FAM227A: variants seen among roughly 807,000 people sequenced by gnomAD.
FAM227A encodes the protein family with sequence similarity 227 member A, also known as protein FAM227A.
In FAM227A, 80 loss-of-function variants were observed where a neutral mutation model predicts 74.7. The ratio of observed to expected loss-of-function variants is 1.07; its 90% CI spans 0.89 to 1.29. The LOEUF (loss-of-function observed/expected upper bound fraction) is 1.29, where lower values mean the gene tolerates loss of function less well. FAM227A is among the 50% of genes most tolerant of loss of function. FAM227A has a pLI of 0.00. For missense variants in FAM227A, 654 were observed against 683.4 expected (o/e 0.96, Z 0.48); for synonymous variants, 237 against 241.8 (o/e 0.98, Z 0.19).
At chr22:38,645,428 T>A in intron 3 of FAM227A, 135 bp downstream of exon 3, 1 of 606,136 alleles carries the variant, frequency 1.6e-6, no homozygotes, top group Non-Finnish European at 2.9e-6. Context: ...TTTAAAAAAA[T>A]TAACTTTGAA....
chr22:38,639,408 CG>C (rs1569233176), intron 4 of FAM227A, among the ~76,000 whole-genome samples: 1 of 128,204 alleles, frequency 7.8e-6, no homozygotes, highest in African/African-American at 3.1e-5. Flanking sequence ...GACTCCGTCT[CG>C]AAAAAAAAAA....
At chr22:38,636,229 C>T (rs1271408391) in intron 6 of FAM227A, among the ~76,000 whole-genome samples, 1 of 152,168 alleles carries the variant, frequency 6.6e-6, no homozygotes, top group African/African-American at 2.4e-5. Flanking sequence ...AAAAATTGCA[C>T]ACCAGTAGGA....
chr22:38,645,471 T>C, intron 3 of FAM227A, 92 bp downstream of exon 3: 1 of 724,346 alleles, frequency 1.4e-6, no homozygotes. Context: ...TTCAAATAAA[T>C]GGAGAGGCCC....
At chr22:38,655,509 CTG>C (rs2092380667) in intron 1 of FAM227A, among the ~76,000 whole-genome samples, 1 of 150,694 alleles carries the variant, frequency 6.6e-6, no homozygotes, top group African/African-American at 2.4e-5. Flanking sequence ...GAGTGAGACT[CTG>C]TCTTAAAAAA....
At chr22:38,588,987 ATG>A (rs1463104258) in intron 16 of FAM227A, among the ~76,000 whole-genome samples, 1 of 152,024 alleles carries the variant, frequency 6.6e-6, no homozygotes, top group East Asian at 1.9e-4. Flanking sequence ...TTTGGGGAAT[ATG>A]TTCCCCAAAA....
intron 3 of FAM227A, among the ~76,000 whole-genome samples, chr22:38,645,261 C>G (rs752336497): frequency 2.0e-5 from 3 of 151,340 alleles, no homozygotes; most frequent in East Asian, 3.9e-4. Flanking sequence ...CATGGTGGCA[C>G]GCACCTGTAG....
intron 13 of FAM227A, among the ~76,000 whole-genome samples, chr22:38,601,159 A>C (rs922043757): frequency 6.6e-6 from 1 of 152,088 alleles, no homozygotes; most frequent in Non-Finnish European, 1.5e-5. Flanking sequence ...AAAACAATGA[A>C]AAAAATCAAC....
At chr22:38,599,666 T>G in intron 14 of FAM227A, 98 bp downstream of exon 14, 1 of 1,169,834 alleles carries the variant, frequency 8.5e-7, no homozygotes, top group South Asian at 1.8e-5. Flanking sequence ...TGCCAGGCGC[T>G]GTGCTAAGGC....
At chr22:38,609,148 G>A (rs961117481) in intron 11 of FAM227A, among the ~76,000 whole-genome samples, 2 of 152,114 alleles carry the variant, frequency 1.3e-5, no homozygotes, top group African/African-American at 2.4e-5. Context: ...CATCATATTC[G>A]CATTACAGGC....
At chr22:38,646,599 A>G (rs1465158835) in intron 2 of FAM227A, among the ~76,000 whole-genome samples, 1 of 151,382 alleles carries the variant, frequency 6.6e-6, no homozygotes. Flanking sequence ...CTGTATTTAC[A>G]ATCTGAGTGT....
At position 38,597,254 on chromosome 22, in the gene FAM227A, T is replaced by C. The variant is rs1037539202; in HGVS notation, c.1482A>G (p.Glu494=). ...TTAGATGCTTGTCAAAATAATTCCA[T>C]TCAGTCCAATGATGCTGGTACAACT... is the stretch of plus-strand genomic sequence containing the variant. ...LNQLYQHHWT[E]WNYFDKHLKE... is the part of the protein sequence containing the mutation. The change falls in exon 15 of 17, where the codon GAA becomes GAG. Residue 494 remains glutamate, a synonymous_variant. Transcript: ENST00000535113. 1.2e-5 allele frequency: 18 copies of C among 1,552,130 alleles called. No homozygotes were observed. Among genetic ancestry groups the C allele is most frequent in the Non-Finnish European group, 1.4e-5 (16 of 1,147,100 alleles).
chr22:38,588,869 A>G (rs1345705961), intron 16 of FAM227A, among the ~76,000 whole-genome samples: 2 of 149,902 alleles, frequency 1.3e-5, no homozygotes, highest in Admixed American at 1.3e-4. Context: ...CGGAGGTTGC[A>G]GTGAGCCAAG....
At chr22:38,617,118 G>A (rs1242115872) in intron 11 of FAM227A, among the ~76,000 whole-genome samples, 1 of 152,068 alleles carries the variant, frequency 6.6e-6, no homozygotes, top group African/African-American at 2.4e-5. Context: ...ACAGTGGTGC[G>A]GCCAGGCAGC....
At chr22:38,615,842 G>T (rs2091564313) in intron 11 of FAM227A, among the ~76,000 whole-genome samples, 1 of 152,208 alleles carries the variant, frequency 6.6e-6, no homozygotes, top group Non-Finnish European at 1.5e-5. Flanking sequence ...AGGAGCCCAG[G>T]TGGCAGCTGC....
chr22:38,623,333 T>A, intron 9 of FAM227A, 54 bp from the exon 10 acceptor site: 1 of 1,260,084 alleles, frequency 7.9e-7, no homozygotes, highest in Non-Finnish European at 1.1e-6. Flanking sequence ...ATCACGCCTG[T>A]AATCCCAGAA....
Position 38,637,969 on chromosome 22 carries a change from C to T in FAM227A, c.372+777G>A, listed in dbSNP as rs146176895. Among the ~76,000 whole-genome samples, 1,302 of 152,194 alleles carry T rather than the reference C, an allele frequency of 8.6e-3. 17 individuals are homozygous for T. Among genetic ancestry groups the T allele is most frequent in the African/African-American group, 0.029 (1,213 of 41,508 alleles). On this transcript the variant is annotated intron_variant, in intron 5 of 16. Coordinates refer to ENST00000535113, the MANE Select transcript of FAM227A (RefSeq NM_001013647.2). ...ATCACTTGAGGTCAAGAGTTCGAGA[C>T]CAGCCTAGCCAACATGGTGAAACCC... is the stretch of plus-strand genomic sequence containing the variant.
intron 4 of FAM227A, among the ~76,000 whole-genome samples, chr22:38,639,409 GA>G (rs532672330): frequency 0.12 from 12,127 of 105,446 alleles, 647 homozygotes; most frequent in African/African-American, 0.23. Flanking sequence ...ACTCCGTCTC[GA>G]AAAAAAAAAA....
chr22:38,653,430 G>A (rs1371178185), intron 1 of FAM227A, among the ~76,000 whole-genome samples: 3 of 146,282 alleles, frequency 2.1e-5, no homozygotes, highest in African/African-American at 7.6e-5. Flanking sequence ...AGGCTGGAAT[G>A]CAATGGCACA....
chr22:38,607,286 A>G lies in FAM227A; in HGVS notation c.1126+103T>C, dbSNP rs147685617. The G allele has an allele frequency of 3.9e-6, 3 of 777,848 alleles. No individual in the cohort carries two copies. The Admixed American group carries it at 7.8e-5, about 20-fold the overall frequency. 48.2% of individuals were successfully genotyped at this position (777,848 alleles called of 1,614,324 possible). A position where few individuals can be genotyped will look rare whatever the true frequency, so the allele number is the denominator to read the frequency against. The stretch of plus-strand genomic sequence containing the variant: ...GGCCCAGGCTGGAACCCCAAGTATA[A>G]AGTAGGTCAGCAAATTCTGTTCATA... On this transcript the variant is annotated intron_variant, in intron 12 of 16. Coordinates refer to ENST00000535113, the MANE Select transcript of FAM227A (RefSeq NM_001013647.2).
Sources: allele counts gnomAD v4.1 joint callset (sites outside exome capture counted in the v4.1 genomes callset), GRCh38; gene constraint gnomAD v4.1.1; transcripts MANE v1.5; gene names NCBI Gene and HGNC (gene_info 2026-07-23, HGNC 2026-07-21).